Variants in NOL10 observed in about 807,000 individuals in gnomAD.
The protein encoded by NOL10 is H_NH0074G24.1.
A neutral mutation model predicts 103.5 loss-of-function variants in NOL10; 58 were observed. The ratio of observed to expected loss-of-function variants is 0.56; its 90% confidence interval spans 0.45 to 0.70. NOL10 has a LOEUF of 0.70. NOL10 is among the 30% of genes least tolerant of loss of function. NOL10 has a pLI of 0.00. For missense variants in NOL10, 763 were observed against 807.3 expected (o/e 0.95, Z 0.67); for synonymous variants, 287 against 282.5 (o/e 1.02, Z -0.16).
chr2:10,598,716 G>C (rs1325876450), intron 17 of NOL10, among the ~76,000 whole-genome samples: 2 of 152,112 alleles, frequency 1.3e-5, no homozygotes, highest in East Asian at 3.9e-4. Flanking sequence ...AATTTGCTGA[G>C]GCAAAGAAAA....
intron 14 of NOL10, among the ~76,000 whole-genome samples, chr2:10,606,513 T>C (rs1676266968): frequency 6.9e-6 from 1 of 145,812 alleles, no homozygotes; most frequent in South Asian, 2.1e-4. Context: ...GAGGTTGAGG[T>C]AGGAGAATGA....
At chr2:10,576,608 C>T (rs74799085) in intron 20 of NOL10, among the ~76,000 whole-genome samples, 31,835 of 152,250 alleles carry the variant, frequency 0.21, 4,201 homozygotes, top group Middle Eastern at 0.3. Flanking sequence ...AAGAAGCCAG[C>T]TATGAAAGAC....
At chr2:10,610,757 C>T (rs1411697163) in intron 13 of NOL10, among the ~76,000 whole-genome samples, 2 of 152,088 alleles carry the variant, frequency 1.3e-5, no homozygotes, top group African/African-American at 4.8e-5. Flanking sequence ...GCCTTCATAG[C>T]CATAAAATAT....
intron 15 of NOL10, 34 bp from the exon 16 acceptor site, chr2:10,602,908 G>T: frequency 1.4e-6 from 2 of 1,469,522 alleles, no homozygotes; most frequent in Middle Eastern, 3.5e-4. Flanking sequence ...TAAAATAAAA[G>T]AATGGTATTT....
intron 8 of NOL10, among the ~76,000 whole-genome samples, chr2:10,666,916 T>C (rs1680604145): frequency 6.6e-6 from 1 of 152,214 alleles, no homozygotes; most frequent in African/African-American, 2.4e-5. Flanking sequence ...TAAAATTACA[T>C]GCTTCTGACA....
intron 3 of NOL10, among the ~76,000 whole-genome samples, chr2:10,679,479 T>C (rs1228731842): frequency 2.0e-5 from 3 of 152,062 alleles, no homozygotes; most frequent in Non-Finnish European, 4.4e-5. Context: ...TTACAATGAG[T>C]GAAACCCTGT....
intron 19 of NOL10, among the ~76,000 whole-genome samples, chr2:10,588,751 T>C (rs1675247658): frequency 6.6e-6 from 1 of 152,202 alleles, no homozygotes; most frequent in Non-Finnish European, 1.5e-5. Context: ...CTCATAAGGC[T>C]CTCTCTACCC....
chr2:10,626,216 G>A (rs1677454803), intron 13 of NOL10, among the ~76,000 whole-genome samples: 1 of 151,938 alleles, frequency 6.6e-6, no homozygotes. Context: ...TTTTAAAAGG[G>A]TCAATATTCA....
At chr2:10,588,400 T>C (rs1675228238) in intron 19 of NOL10, among the ~76,000 whole-genome samples, 1 of 152,204 alleles carries the variant, frequency 6.6e-6, no homozygotes, top group Non-Finnish European at 1.5e-5. Context: ...CATTCTACTT[T>C]CTGCCTCTTT....
chr2:10,652,709 C>A (rs962704262), intron 12 of NOL10, among the ~76,000 whole-genome samples: 1 of 152,186 alleles, frequency 6.6e-6, no homozygotes, highest in African/African-American at 2.4e-5. Flanking sequence ...CTTCTTATCT[C>A]ACTCCCAGCT....
In NOL10 at chr2:10,619,201, C is replaced by G. The variant is rs1211662165; in HGVS notation, c.1027-11890G>C. Among the ~76,000 whole-genome samples the G allele has an allele frequency of 2.0e-5, 3 of 150,280 alleles. No individual in the cohort carries two copies. The East Asian group carries it at 5.9e-4, about 30-fold the overall frequency. On this transcript the variant is annotated intron_variant, in intron 13 of 20. Coordinates refer to ENST00000381685, the MANE Select transcript of NOL10 (RefSeq NM_024894.4). ...TTGTTCTGTCACCCAGGCTGGAGTA[C>G]AGTGGCATGATCATAGCTCACTGCA...
At chr2:10,633,459 A>G (rs1677973812) in intron 13 of NOL10, among the ~76,000 whole-genome samples, 2 of 151,316 alleles carry the variant, frequency 1.3e-5, no homozygotes, top group Admixed American at 6.6e-5. Flanking sequence ...ATATTGATAT[A>G]TTATTAATAT....
intron 11 of NOL10, among the ~76,000 whole-genome samples, chr2:10,655,671 A>C (rs1679799964): frequency 6.6e-6 from 1 of 152,262 alleles, no homozygotes; most frequent in African/African-American, 2.4e-5. Flanking sequence ...GTCTTTAGTC[A>C]TAAGAAACAA....
At chr2:10,576,139 T>C (rs573504470) in intron 20 of NOL10, among the ~76,000 whole-genome samples, 18 of 152,224 alleles carry the variant, frequency 1.2e-4, no homozygotes, top group Non-Finnish European at 2.5e-4. Flanking sequence ...CTCAACTCAT[T>C]AGTCATTAGG....
chr2:10,669,231 G>A (rs112152799), intron 6 of NOL10, among the ~76,000 whole-genome samples: 3,218 of 151,456 alleles, frequency 0.021, 142 homozygotes, highest in African/African-American at 0.073. Flanking sequence ...GTTTCACCAT[G>A]TTGGCCAGGC....
chr2:10,689,784 G>T lies in NOL10; in HGVS notation c.66+12C>A, dbSNP rs1328371876. The T allele has an allele frequency of 1.0e-5, 16 of 1,597,786 alleles. No homozygotes were observed. The highest frequency in any genetic ancestry group is 1.3e-5 in the Non-Finnish European group (15 of 1,172,438). ...AAGAGCTCGAGAGTGAGGGGGCCGG[G>T]AAGTGACTCACCTCAGGAAGGGACT... On this transcript the variant is annotated intron_variant, in intron 1 of 20. Transcript: ENST00000381685.
intron 11 of NOL10, among the ~76,000 whole-genome samples, chr2:10,656,409 C>G (rs1042582965): frequency 6.6e-6 from 1 of 152,124 alleles, no homozygotes; most frequent in South Asian, 2.1e-4. Context: ...AGACTGAAAG[C>G]CTGTCTTTTC....
At chr2:10,668,449 G>A (rs1680693118) in intron 7 of NOL10, among the ~76,000 whole-genome samples, 1 of 152,004 alleles carries the variant, frequency 6.6e-6, no homozygotes, top group Admixed American at 6.5e-5. Context: ...AAGTTGAGTA[G>A]ATGAAAAAAA....
intron 13 of NOL10, among the ~76,000 whole-genome samples, chr2:10,612,591 C>T (rs774839448): frequency 2.6e-5 from 4 of 152,130 alleles, no homozygotes; most frequent in Non-Finnish European, 5.9e-5. Context: ...CAACCTCTGC[C>T]TCCCAGGTTC....
Sources: gnomAD v4.1 joint callset for allele counts (sites outside exome capture counted in the v4.1 genomes callset) on GRCh38, gnomAD v4.1.1 for gene constraint, MANE v1.5 for transcripts, NCBI Gene and HGNC (gene_info 2026-07-23, HGNC 2026-07-21) for gene names.